Variants in CNGB3 observed in about 807,000 individuals in gnomAD.
CNGB3 encodes cyclic nucleotide-gated channel beta-3.
Under a neutral mutation model 92.8 loss-of-function variants are expected in CNGB3, and 86 were observed. That is an observed-to-expected ratio of 0.93 (90% confidence interval 0.78 to 1.11). The LOEUF (loss-of-function observed/expected upper bound fraction) is 1.11, where lower values mean the gene tolerates loss of function less well. Ranked by LOEUF, CNGB3 falls within the 50% of genes least tolerant of loss-of-function variation. The pLI is 0.00. For missense variants in CNGB3, 1,026 were observed against 956.8 expected, an observed-to-expected ratio of 1.07 and a Z score of -0.95; for synonymous variants, 333 against 332.7, an observed-to-expected ratio of 1.00 and a Z score of -0.01.
intron 3 of CNGB3, among the ~76,000 whole-genome samples, chr8:86,708,413 G>A (rs1483287538): frequency 6.6e-6 from 1 of 152,128 alleles, no homozygotes; most frequent in Non-Finnish European, 1.5e-5. Context: ...GCAGAACTGA[G>A]CAATGGCCAT....
At chr8:86,741,894 A>G (rs1161172236) in intron 1 of CNGB3, among the ~76,000 whole-genome samples, 3 of 152,046 alleles carry the variant, frequency 2.0e-5, no homozygotes, top group Admixed American at 6.5e-5. Context: ...CAGGCAAAGT[A>G]TCTTAAAGGG....
intron 15 of CNGB3, among the ~76,000 whole-genome samples, chr8:86,587,246 CA>C (rs1313553733): frequency 6.6e-6 from 1 of 151,630 alleles, no homozygotes; most frequent in East Asian, 1.9e-4. Context: ...AGCCCTTTGT[CA>C]GATGAGTAGG....
At chr8:86,617,073 C>T (rs572939402) in intron 13 of CNGB3, among the ~76,000 whole-genome samples, 7 of 152,168 alleles carry the variant, frequency 4.6e-5, no homozygotes, top group South Asian at 2.1e-4. Flanking sequence ...GCTGTGTTAC[C>T]GATTTGAATG....
At chr8:86,587,379 T>G (rs1158117766) in intron 15 of CNGB3, among the ~76,000 whole-genome samples, 2 of 152,146 alleles carry the variant, frequency 1.3e-5, no homozygotes, top group African/African-American at 4.8e-5. Context: ...TTGTTGCCAT[T>G]GCTTTTGGTG....
intron 3 of CNGB3, among the ~76,000 whole-genome samples, chr8:86,720,839 T>TACACACACACACAC (rs4024071): frequency 7.7e-6 from 1 of 129,888 alleles, no homozygotes; most frequent in Admixed American, 8.1e-5. Context: ...TATATATGTA[T>TACACACACACACAC]ACACACACAC....
chr8:86,687,469 G>A (rs757195616), intron 3 of CNGB3, among the ~76,000 whole-genome samples: 1 of 152,038 alleles, frequency 6.6e-6, no homozygotes, highest in Non-Finnish European at 1.5e-5. Context: ...ATTCATATGA[G>A]ATAACGAGAA....
chr8:86,714,459 G>T (rs1011821387), intron 3 of CNGB3, among the ~76,000 whole-genome samples: 1 of 152,118 alleles, frequency 6.6e-6, no homozygotes, highest in Admixed American at 6.5e-5. Context: ...TTGCCATATT[G>T]CTAGAAATAT....
At chr8:86,635,987 C>G (rs762510147) in intron 10 of CNGB3, among the ~76,000 whole-genome samples, 2 of 150,448 alleles carry the variant, frequency 1.3e-5, no homozygotes, top group Non-Finnish European at 3.0e-5. Flanking sequence ...ATGCAATTTC[C>G]CCCAATATAT....
At chr8:86,628,815 T>C (rs1822901473) in intron 12 of CNGB3, 104 bp downstream of exon 12, 2 of 1,260,034 alleles carry the variant, frequency 1.6e-6, no homozygotes, top group Admixed American at 3.4e-5. Flanking sequence ...CATTTAGTTG[T>C]TTTTCAACCT....
intron 14 of CNGB3, among the ~76,000 whole-genome samples, chr8:86,607,036 C>T (rs944882967): frequency 9.9e-5 from 15 of 152,084 alleles, no homozygotes; most frequent in Admixed American, 5.2e-4. Flanking sequence ...TTATTCTTTG[C>T]GTGAAGTAAT....
chr8:86,593,085 A>AAC (rs1362313942), intron 15 of CNGB3, among the ~76,000 whole-genome samples: 2 of 152,184 alleles, frequency 1.3e-5, no homozygotes, highest in African/African-American at 4.8e-5. Context: ...TTTTCTGTAA[A>AAC]ACATTTTGAG....
At chr8:86,662,077 G>A (rs1823652596) in intron 6 of CNGB3, among the ~76,000 whole-genome samples, 1 of 152,112 alleles carries the variant, frequency 6.6e-6, no homozygotes, top group South Asian at 2.1e-4. Flanking sequence ...TGCCGCCGCC[G>A]CCAACTCAGT....
At chr8:86,736,369 A>C (rs1167297571) in intron 2 of CNGB3, among the ~76,000 whole-genome samples, 1 of 152,182 alleles carries the variant, frequency 6.6e-6, no homozygotes, top group Non-Finnish European at 1.5e-5. Flanking sequence ...TTCTACTCAA[A>C]TAGCTCCTCT....
intron 3 of CNGB3, among the ~76,000 whole-genome samples, chr8:86,676,148 TAA>T (rs1823963075): frequency 1.3e-5 from 2 of 152,210 alleles, no homozygotes. Flanking sequence ...GTTAGGACTC[TAA>T]GAAAGTTTTG....
At chr8:86,606,030 C>T (rs1055678988) in intron 14 of CNGB3, among the ~76,000 whole-genome samples, 17 of 151,854 alleles carry the variant, frequency 1.1e-4, no homozygotes, top group East Asian at 3.9e-4. Flanking sequence ...TTATATGACT[C>T]GGTAATTAGA....
chr8:86,694,901 G>C (rs1487496842), intron 3 of CNGB3, among the ~76,000 whole-genome samples: 1 of 152,034 alleles, frequency 6.6e-6, no homozygotes, highest in Non-Finnish European at 1.5e-5. Flanking sequence ...ACGGGGTGGC[G>C]CCCGGGCAGA....
intron 6 of CNGB3, chr8:86,659,518 A>G: frequency 1.7e-6 from 1 of 605,832 alleles, no homozygotes; most frequent in Non-Finnish European, 3.1e-6. Flanking sequence ...ATATAACTCC[A>G]GCCTGAGGGC....
chr8:86,687,166 A>C (rs80063241), intron 3 of CNGB3, among the ~76,000 whole-genome samples: 5 of 152,092 alleles, frequency 3.3e-5, no homozygotes, highest in African/African-American at 1.2e-4. Context: ...TGGAACCCTC[A>C]TACCTTGTTG....
intron 3 of CNGB3, among the ~76,000 whole-genome samples, chr8:86,675,148 C>T (rs1823941442): frequency 6.6e-6 from 1 of 151,950 alleles, no homozygotes; most frequent in Non-Finnish European, 1.5e-5. Flanking sequence ...TTAAATTAGA[C>T]ACAGGGTTTC....
Sources: gnomAD v4.1 joint callset for allele counts (sites outside exome capture counted in the v4.1 genomes callset) on GRCh38, gnomAD v4.1.1 for gene constraint, MANE v1.5 for transcripts, NCBI Gene and HGNC (gene_info 2026-07-23, HGNC 2026-07-21) for gene names.